The following GLMN variants were observed in gnomAD, a reference collection of about 807,000 sequenced individuals.
GLMN encodes the protein glomulin.
Under a neutral mutation model 87.8 loss-of-function variants are expected in GLMN, and 75 were observed. The ratio of observed to expected loss-of-function variants is 0.85; its 90% CI spans 0.71 to 1.04. The LOEUF (loss-of-function observed/expected upper bound fraction) is 1.04, where lower values mean the gene tolerates loss of function less well. GLMN is among the 50% of genes least tolerant of loss of function. The pLI is 0.00. For missense variants in GLMN, 588 were observed against 658.8 expected (o/e 0.89, Z 1.18); for synonymous variants, 206 against 221.6 (o/e 0.93, Z 0.63).
intron 4 of GLMN, among the ~76,000 whole-genome samples, chr1:92,290,877 A>G (rs1649326899): frequency 6.6e-6 from 1 of 152,206 alleles, no homozygotes; most frequent in Non-Finnish European, 1.5e-5. Context: ...TTGGCCATCA[A>G]ATATTGACTG....
rs902406104 is a variant in GLMN at position 92,247,043 on chromosome 1, AAAG to A, written c.1668+16_1668+18del. ...GTTTCTAAAGAAGAAAAAGGAAAGA[AAAG>A]AAAATTTCAGATCACCTTAAGCTGC... is the stretch of plus-strand genomic sequence containing the variant. On this transcript the variant is annotated intron_variant, in intron 18 of 18. Coordinates refer to ENST00000370360, the MANE Select transcript of GLMN (RefSeq NM_053274.3). 1.3e-5 allele frequency: 5 copies of A among 385,460 alleles called. No homozygotes were observed. The African/African-American group carries it at 2.5e-4, about 19-fold the overall frequency. The allele number at this position is 385,460 out of a possible 1,614,324, so 23.9% of individuals were successfully genotyped here.
At chr1:92,282,899 C>G (rs925073895) in intron 7 of GLMN, among the ~76,000 whole-genome samples, 1 of 152,178 alleles carries the variant, frequency 6.6e-6, no homozygotes, top group Non-Finnish European at 1.5e-5. Flanking sequence ...AATTCCCAGA[C>G]ACATACACCC....
chr1:92,318,986 ATTGT>A, the GLMN span, among the ~76,000 whole-genome samples: 342 of 152,218 alleles, frequency 2.2e-3, no homozygotes, highest in African/African-American at 6.9e-3. Context: ...TGATCAAAGG[ATTGT>A]TTGTTTGTTT....
intron 7 of GLMN, among the ~76,000 whole-genome samples, 181 bp downstream of exon 7, chr1:92,286,309 T>A (rs1648740728): frequency 6.6e-6 from 1 of 151,258 alleles, no homozygotes. Context: ...GCCTGGAGGA[T>A]GTTAATATTT....
intron 18 of GLMN, 51 bp from the exon 19 acceptor site, chr1:92,246,697 C>T (rs1209123089): frequency 2.2e-6 from 2 of 916,032 alleles, no homozygotes; most frequent in African/African-American, 3.2e-5. Flanking sequence ...TAAAGCAAAA[C>T]AAAGCAAAAC....
rs1005290505 is a variant in GLMN, at chr1:92,263,513, T to C, written c.1409+110A>G. 3.9e-6 allele frequency: 3 copies of C among 760,738 alleles called. No homozygotes were observed. In the African/African-American group the frequency reaches 5.1e-5, roughly 13 times the overall value. The allele number at this position is 760,738 out of a possible 1,614,324, so 47.1% of individuals were successfully genotyped here. A position where few individuals can be genotyped will look rare whatever the true frequency, so the allele number is the denominator to read the frequency against. On this transcript the variant is annotated intron_variant, in intron 15 of 18. Transcript: ENST00000370360. ...TTTATGTAACTTAATGAATTAGCCA[T>C]AGATCATAAAATCACAGGAAAAGAC... is the stretch of plus-strand genomic sequence containing the variant.
chr1:92,297,764 T>A, intron 2 of GLMN, 197 bp downstream of exon 2: 1 of 628,030 alleles, frequency 1.6e-6, no homozygotes, highest in Non-Finnish European at 2.8e-6. Context: ...AGGATTAAAA[T>A]GTAAAAGGTT....
At chr1:92,282,414 C>T (rs1431430221) in intron 7 of GLMN, among the ~76,000 whole-genome samples, 1 of 152,144 alleles carries the variant, frequency 6.6e-6, no homozygotes, top group East Asian at 1.9e-4. Flanking sequence ...CAAAGATGTT[C>T]TTTGAAACCA....
rs779825891 is a variant in GLMN at position 92,247,065 on chromosome 1, A to G, written c.1665T>C (p.Leu555=). The change falls in exon 18 of 19, where the codon CTT becomes CTC. Residue 555 remains leucine, a synonymous_variant. Coordinates refer to ENST00000370360, the MANE Select transcript of GLMN (RefSeq NM_053274.3). ...EIPNMPPEMQ[L]KVLHSALFTF... ...AGAAAAGAAAATTTCAGATCACCTT[A>G]AGCTGCATTTCAGGAGGCATATTAG... 7.4e-6 allele frequency: 11 copies of G among 1,490,734 alleles called. No homozygotes were observed. The East Asian group carries it at 2.3e-4, about 31-fold the overall frequency. 92.3% of individuals were successfully genotyped at this position (1,490,734 alleles called of 1,614,324 possible). A position where few individuals can be genotyped will look rare whatever the true frequency, so the allele number is the denominator to read the frequency against.
At chr1:92,368,875 T>TA in the GLMN span, among the ~76,000 whole-genome samples, 3 of 152,234 alleles carry the variant, frequency 2.0e-5, no homozygotes, top group African/African-American at 7.2e-5. Flanking sequence ...CTTTTGTTGT[T>TA]ACGCCACTTA....
rs1054154458 is a variant in GLMN, at chr1:92,247,276, C to T, written c.1586-132G>A. ...AATTATTAAGTCCATTGTTTAACAG[C>T]TCAGGGTATACTTAAGCTATAAGCA... is the stretch of plus-strand genomic sequence containing the variant. On this transcript the variant is annotated intron_variant, in intron 17 of 18. Coordinates refer to ENST00000370360, the MANE Select transcript of GLMN (RefSeq NM_053274.3). The T allele has an allele frequency of 3.8e-5, 27 of 702,678 alleles. No homozygotes were observed. The Admixed American group carries it at 4.9e-4, about 13-fold the overall frequency. The allele number at this position is 702,678 out of a possible 1,614,324, so 43.5% of individuals were successfully genotyped here.
chr1:92,302,396 A>G (rs1366022679), upstream of GLMN, among the ~76,000 whole-genome samples: 1 of 151,380 alleles, frequency 6.6e-6, no homozygotes, highest in East Asian at 1.9e-4. Context: ...CCAGTCTGCT[A>G]ATATCACTTG....
chr1:92,272,756 A>G (rs1656369935), intron 7 of GLMN, among the ~76,000 whole-genome samples: 2 of 152,202 alleles, frequency 1.3e-5, no homozygotes, highest in African/African-American at 2.4e-5. Flanking sequence ...ATGAGTGGGT[A>G]GGACCACAGG....
chr1:92,284,709 T>C (rs1188250244), intron 7 of GLMN, among the ~76,000 whole-genome samples: 3 of 152,088 alleles, frequency 2.0e-5, no homozygotes, highest in Non-Finnish European at 4.4e-5. Context: ...GAAAAATCTT[T>C]GCAATCTACC....
chr1:92,355,232 C>T, the GLMN span, among the ~76,000 whole-genome samples: 17 of 152,062 alleles, frequency 1.1e-4, no homozygotes, highest in Non-Finnish European at 2.1e-4. Flanking sequence ...ACAAGGGTCT[C>T]TTGAAACCCT....
chr1:92,322,630 T>G, the GLMN span, among the ~76,000 whole-genome samples: 177 of 152,114 alleles, frequency 1.2e-3, no homozygotes, highest in Non-Finnish European at 2.3e-3. Flanking sequence ...ATTCCAGCAC[T>G]TTGGGAGGCC....
At chr1:92,264,123 C>T (rs971426693) in intron 14 of GLMN, among the ~76,000 whole-genome samples, 4 of 152,104 alleles carry the variant, frequency 2.6e-5, no homozygotes, top group African/African-American at 9.7e-5. Flanking sequence ...CAAGACGAGC[C>T]TGGGCAACAC....
At chr1:92,298,813 G>A in intron 1 of GLMN, 112 bp downstream of exon 1, 1 of 373,108 alleles carries the variant, frequency 2.7e-6, no homozygotes, top group Non-Finnish European at 4.8e-6. Flanking sequence ...CGCCTAGGTG[G>A]GCAGGCTCCA....
chr1:92,280,659 C>T (rs1647921528), intron 7 of GLMN, among the ~76,000 whole-genome samples: 2 of 152,072 alleles, frequency 1.3e-5, no homozygotes, highest in Admixed American at 1.3e-4. Context: ...TCGGTAATAA[C>T]AAACTTCTCC....
Sources: gnomAD v4.1 joint callset for allele counts (sites outside exome capture counted in the v4.1 genomes callset) on GRCh38, gnomAD v4.1.1 for gene constraint, MANE v1.5 for transcripts, NCBI Gene and HGNC (gene_info 2026-07-23, HGNC 2026-07-21) for gene names.